Variants in ABLIM2 observed in about 807,000 individuals in gnomAD.
ABLIM2 encodes the protein actin-binding LIM protein 2.
Under a neutral mutation model 97.7 loss-of-function variants are expected in ABLIM2, and 53 were observed. The ratio of observed to expected loss-of-function variants is 0.54; its 90% CI spans 0.44 to 0.68. The LOEUF (loss-of-function observed/expected upper bound fraction) is 0.68. ABLIM2 is among the 30% of genes least tolerant of loss of function. The probability of loss-of-function intolerance (pLI) is 0.00; values close to 1 mark genes in which losing one functional copy is unlikely to be tolerated. For synonymous variants in ABLIM2, 361 were observed against 345.8 expected (o/e 1.04, Z -0.49); for missense variants, 835 against 867.2 (o/e 0.96, Z 0.47).
At chr4:8,076,563 C>T (rs1003233464) in intron 6 of ABLIM2, among the ~76,000 whole-genome samples, 5 of 152,054 alleles carry the variant, frequency 3.3e-5, no homozygotes, top group Admixed American at 2.6e-4. Flanking sequence ...CAGAGGCCAG[C>T]TCCTGCAACC....
At chr4:8,056,305 C>CTTTTTTTTTTTTTTTT (rs71175456) in intron 7 of ABLIM2, among the ~76,000 whole-genome samples, 1 of 128,186 alleles carries the variant, frequency 7.8e-6, no homozygotes, top group African/African-American at 2.9e-5. Flanking sequence ...TTCTTTCTTT[C>CTTTTTTTTTTTTTTTT]TTTTTTTTTT....
intron 10 of ABLIM2, among the ~76,000 whole-genome samples, chr4:8,030,006 G>A (rs1338924459): frequency 1.3e-5 from 2 of 152,162 alleles, no homozygotes; most frequent in South Asian, 4.1e-4. Context: ...TTGCCACAGG[G>A]TGTGGTACAG....
intron 20 of ABLIM2, 40 bp downstream of exon 20, chr4:7,983,223 CA>C: frequency 6.3e-7 from 1 of 1,574,842 alleles, no homozygotes; most frequent in Non-Finnish European, 8.6e-7. Flanking sequence ...GGGACTCTCG[CA>C]TGGGAAATGA....
At chr4:7,993,066 G>A in intron 16 of ABLIM2, 139 bp from the exon 17 acceptor site, 2 of 831,218 alleles carry the variant, frequency 2.4e-6, no homozygotes. Context: ...ACCATGACCT[G>A]CCTCAGTGGT....
chr4:8,087,982 C>CG lies in ABLIM2; in HGVS notation c.454+186_454+187insC, dbSNP rs1231692807. On this transcript the variant is annotated intron_variant, in intron 4 of 20. Transcript: ENST00000447017. The surrounding 1 kb of genome is among the most constrained non-coding windows in gnomAD (Gnocchi z 4.6). ...AGAGACCAAGCCCCCAACTCAGCAC[C>CG]CCCCCCACAACCAGCAAGCCCCCAC... Among the ~76,000 whole-genome samples the CG allele has an allele frequency of 1.6e-5, 2 of 126,580 alleles. No homozygotes were observed. The highest frequency in any genetic ancestry group is 5.7e-4 in the East Asian group (2 of 3,486). 83.0% of individuals were successfully genotyped at this position (126,580 alleles called of 152,430 possible). A position where few individuals can be genotyped will look rare whatever the true frequency, so the allele number is the denominator to read the frequency against.
chr4:8,043,270 G>C lies in ABLIM2; in HGVS notation c.900+1894C>G, dbSNP rs1407866392. On this transcript the variant is annotated intron_variant, in intron 9 of 20. Transcript: ENST00000447017. The surrounding 1 kb of genome is among the most constrained non-coding windows in gnomAD (Gnocchi z 4.8). ...TGTCATGCTTTTCTCTTGTGAACTTGTCTCTCGTTATAGGAGTGTCAGCTG... is the reference window on the plus strand; with the variant it reads ...TGTCATGCTTTTCTCTTGTGAACTTCTCTCTCGTTATAGGAGTGTCAGCTG... 6.6e-6 allele frequency among the ~76,000 whole-genome samples: 1 copy of C among 152,218 alleles called. No individual in the cohort carries two copies. The highest frequency in any genetic ancestry group is 1.5e-5 in the Non-Finnish European group (1 of 68,050).
Position 8,127,448 on chromosome 4 carries a change from A to G in ABLIM2, c.11-20811T>C, listed in dbSNP as rs1364317463. 7.1e-6 allele frequency: 9 copies of G among 1,260,550 alleles called. No individual in the cohort carries two copies. Among genetic ancestry groups the G allele is most frequent in the South Asian group, 1.3e-5 (1 of 79,614 alleles). 78.1% of individuals were successfully genotyped at this position (1,260,550 alleles called of 1,614,324 possible). ...CTTTCCCACCAGACCCCTGAAGCTG[A>G]TTCATGGAGCTCACAGCTCCCAGTC... On this transcript the variant is annotated intron_variant, in intron 1 of 20. Transcript: ENST00000447017. The surrounding 1 kb of genome is among the most constrained non-coding windows in gnomAD (Gnocchi z 7.3).
rs1297703729 is a variant in ABLIM2 at position 8,001,229 on chromosome 4, G to A, written c.1618+6830C>T. Among the ~76,000 whole-genome samples the A allele has an allele frequency of 6.6e-6, 1 of 152,200 alleles. No individual in the cohort carries two copies. The highest frequency in any genetic ancestry group is 1.5e-5 in the Non-Finnish European group (1 of 68,028). On this transcript the variant is annotated intron_variant, in intron 16 of 20. Transcript: ENST00000447017. The surrounding 1 kb of genome is among the most constrained non-coding windows in gnomAD (Gnocchi z 4.2). ...GTGTCGGGGCCCAGGCAGCATTGGA[G>A]GAGGACAGAGGAGGCCCTGGGGCTG...
intron 8 of ABLIM2, among the ~76,000 whole-genome samples, chr4:8,048,836 C>A (rs1364630281): frequency 6.6e-6 from 1 of 152,176 alleles, no homozygotes; most frequent in Non-Finnish European, 1.5e-5. Context: ...AGTCACCCAG[C>A]CCCTGGCCAG....
In ABLIM2 at chr4:8,043,246, G is replaced by C. The variant is rs79631799; in HGVS notation, c.900+1918C>G. 0.18 allele frequency among the ~76,000 whole-genome samples: 26,985 copies of C among 152,176 alleles called. 2,633 individuals carry two copies. The highest frequency in any genetic ancestry group is 0.3 in the Middle Eastern group (87 of 294). ...CCTAAAACTTTGATTAAATACGTCT[G>C]TCATGCTTTTCTCTTGTGAACTTGT... On this transcript the variant is annotated intron_variant, in intron 9 of 20. Coordinates refer to ENST00000447017, the MANE Select transcript of ABLIM2 (RefSeq NM_001130083.2). The surrounding 1 kb of genome is among the most constrained non-coding windows in gnomAD (Gnocchi z 4.8).
rs932419043 is a variant in ABLIM2, at chr4:8,085,148, G to A, written c.454+3021C>T. On this transcript the variant is annotated intron_variant, in intron 4 of 20. Coordinates refer to ENST00000447017, the MANE Select transcript of ABLIM2 (RefSeq NM_001130083.2). The surrounding 1 kb of genome is among the most constrained non-coding windows in gnomAD (Gnocchi z 6.1). ...GGCCTGCTTGGGGCAGCAGAGGGAA[G>A]CTCAGGGCCACGGGACTCAAGCTTG... is the stretch of plus-strand genomic sequence containing the variant. Among the ~76,000 whole-genome samples, 3 of 152,070 alleles carry A rather than the reference G, an allele frequency of 2.0e-5. No homozygotes were observed. Among genetic ancestry groups the A allele is most frequent in the African/African-American group, 7.2e-5 (3 of 41,422 alleles).
At position 8,124,850 on chromosome 4, in the gene ABLIM2, G is replaced by A. The variant is rs1296146140; in HGVS notation, c.11-18213C>T. 2.6e-5 allele frequency among the ~76,000 whole-genome samples: 4 copies of A among 152,088 alleles called. No homozygotes were observed. The highest frequency in any genetic ancestry group is 5.9e-5 in the Non-Finnish European group (4 of 68,018). On this transcript the variant is annotated intron_variant, in intron 1 of 20. Coordinates refer to ENST00000447017, the MANE Select transcript of ABLIM2 (RefSeq NM_001130083.2). The surrounding 1 kb of genome is among the most constrained non-coding windows in gnomAD (Gnocchi z 6.1). ...AACAGTCAGACTATTTTCCACACCG[G>A]GTTCTGATTTCTACGCATCCCCACA... is the stretch of plus-strand genomic sequence containing the variant.
intron 1 of ABLIM2, among the ~76,000 whole-genome samples, chr4:8,115,069 C>A (rs555298959): frequency 8.5e-5 from 13 of 152,336 alleles, no homozygotes; most frequent in African/African-American, 2.9e-4. Flanking sequence ...TCCCTGAGGA[C>A]CGCAAACAGC....
At chr4:8,096,576 G>T (rs568808768) in intron 3 of ABLIM2, among the ~76,000 whole-genome samples, 64 of 152,326 alleles carry the variant, frequency 4.2e-4, no homozygotes, top group African/African-American at 1.4e-3. Context: ...AACTGCTTTG[G>T]AAACAACATT....
intron 8 of ABLIM2, 31 bp from the exon 9 acceptor site, chr4:8,045,272 C>T (rs1560917668): frequency 6.3e-7 from 1 of 1,589,462 alleles, no homozygotes. Context: ...AGATTGAAGG[C>T]AGGTACCAAC....
rs552736154 is a variant in ABLIM2, at chr4:8,046,806, T to C, written c.823-1565A>G. ...AGGATGGGCCCTAATCTGTTATGCC[T>C]GGGGTTTCTACGAGCAGGGATCAGG... On this transcript the variant is annotated intron_variant, in intron 8 of 20. Transcript: ENST00000447017. The surrounding 1 kb of genome is among the most constrained non-coding windows in gnomAD (Gnocchi z 4.4). Among the ~76,000 whole-genome samples, 5 of 152,000 alleles carry C rather than the reference T, an allele frequency of 3.3e-5. No homozygotes were observed. The highest frequency in any genetic ancestry group is 7.4e-5 in the Non-Finnish European group (5 of 67,946).
chr4:8,022,790 A>C lies in ABLIM2; in HGVS notation c.1268-2487T>G, dbSNP rs1244754257. On this transcript the variant is annotated intron_variant, in intron 12 of 20. Coordinates refer to ENST00000447017, the MANE Select transcript of ABLIM2 (RefSeq NM_001130083.2). The surrounding 1 kb of genome is among the most constrained non-coding windows in gnomAD (Gnocchi z 7.8). ...TGGAGCACTGTGCTGCTAGGCTCAC[A>C]TCCCAGGGGGCTTCTGATATGCTAC... The C allele has an allele frequency of 2.0e-5, 3 of 152,404 alleles. No individual in the cohort carries two copies. In the East Asian group the frequency reaches 5.8e-4, roughly 29 times the overall value. The allele number at this position is 152,404 out of a possible 1,614,324, so 9.4% of individuals were successfully genotyped here.
chr4:7,995,915 A>G (rs17772026), intron 16 of ABLIM2, among the ~76,000 whole-genome samples: 51,760 of 151,882 alleles, frequency 0.34, 9,905 homozygotes, highest in Middle Eastern at 0.46. Flanking sequence ...AGGAGAGTCA[A>G]GGCCCCGAGA....
chr4:8,002,343 AC>A lies in ABLIM2; in HGVS notation c.1618+5715del, dbSNP rs1328376717. ...ACCCAGTGTCTTCTTTGATTCCGTC[AC>A]CCCCGCAGCCAGTGGTTCCTGAGCT... is the stretch of plus-strand genomic sequence containing the variant. On this transcript the variant is annotated intron_variant, in intron 16 of 20. Coordinates refer to ENST00000447017, the MANE Select transcript of ABLIM2 (RefSeq NM_001130083.2). This position sits in a 1 kb window ranked among gnomAD's most constrained non-coding sequence, Gnocchi z 6.1. Among the ~76,000 whole-genome samples, 3 of 152,042 alleles carry A rather than the reference AC, an allele frequency of 2.0e-5. No individual in the cohort carries two copies. The highest frequency in any genetic ancestry group is 2.9e-5 in the Non-Finnish European group (2 of 67,976).
Sources: allele counts gnomAD v4.1 joint callset (sites outside exome capture counted in the v4.1 genomes callset), GRCh38; gene constraint gnomAD v4.1.1; non-coding constraint Gnocchi (gnomAD v3.1); transcripts MANE v1.5; gene names NCBI Gene and HGNC (gene_info 2026-07-23, HGNC 2026-07-21).